Variants in TRPC7 observed in about 807,000 individuals in gnomAD.
The protein encoded by TRPC7 is transient receptor potential cation channel subfamily C member 7, also known as short transient receptor potential channel 7.
Under a neutral mutation model 90.1 loss-of-function variants are expected in TRPC7, and 42 were observed. The ratio of observed to expected loss-of-function variants is 0.47; its 90% CI spans 0.36 to 0.60. TRPC7 has a LOEUF of 0.60. Ranked by LOEUF, TRPC7 falls within the 20% of genes least tolerant of loss-of-function variation. TRPC7 has a pLI of 0.00. For missense variants in TRPC7, 955 were observed against 1,112.3 expected, an observed-to-expected ratio of 0.86 and a Z score of 2.01; for synonymous variants, 451 against 436.3, an observed-to-expected ratio of 1.03 and a Z score of -0.42.
At chr5:136,334,943 C>A (rs1366629769) in intron 2 of TRPC7, among the ~76,000 whole-genome samples, 1 of 152,108 alleles carries the variant, frequency 6.6e-6, no homozygotes, top group African/African-American at 2.4e-5. Context: ...ATATAGGTCA[C>A]TGTAGCAATT....
At chr5:136,287,098 G>A (rs373157027) in intron 3 of TRPC7, among the ~76,000 whole-genome samples, 57 of 152,192 alleles carry the variant, frequency 3.7e-4, no homozygotes, top group Non-Finnish European at 6.8e-4. Context: ...ATGAACGCTC[G>A]CCTCGCTGGA....
At chr5:136,360,999 A>T (rs1350290174) in intron 1 of TRPC7, among the ~76,000 whole-genome samples, 1 of 152,140 alleles carries the variant, frequency 6.6e-6, no homozygotes. Flanking sequence ...TACATATCAC[A>T]CGGGTTGGAA....
At chr5:136,290,190 G>GA (rs752573660) in intron 3 of TRPC7, among the ~76,000 whole-genome samples, 29 of 152,208 alleles carry the variant, frequency 1.9e-4, no homozygotes, top group Non-Finnish European at 3.8e-4. Flanking sequence ...CAAAGATGGG[G>GA]AAAAAACAGA....
intron 3 of TRPC7, among the ~76,000 whole-genome samples, chr5:136,300,917 C>T (rs1160479245): frequency 1.3e-5 from 2 of 152,228 alleles, no homozygotes; most frequent in Non-Finnish European, 2.9e-5. Flanking sequence ...AGTCCACCAT[C>T]CAAGAGCTTC....
Position 136,265,162 on chromosome 5 carries a change from C to T in TRPC7, c.1345+1058G>A, listed in dbSNP as rs201312590. ...TCTACTGTGATTTTGTTGATTTGAC[C>T]CGAATACATTTTGACTCATTGTTTG... On this transcript the variant is annotated intron_variant, in intron 5 of 11. Transcript: ENST00000513104. Among the ~76,000 whole-genome samples, 28 of 152,074 alleles carry T rather than the reference C, an allele frequency of 1.8e-4. No individual in the cohort carries two copies. In the East Asian group the frequency reaches 4.6e-3, roughly 25 times the overall value.
intron 2 of TRPC7, among the ~76,000 whole-genome samples, chr5:136,322,535 G>C (rs1458827440): frequency 2.6e-5 from 4 of 151,954 alleles, no homozygotes; most frequent in Non-Finnish European, 5.9e-5. Context: ...TTAATTTATT[G>C]CCTGTTTTTA....
chr5:136,250,783 C>G (rs1756493188), intron 6 of TRPC7, among the ~76,000 whole-genome samples: 1 of 152,136 alleles, frequency 6.6e-6, no homozygotes, highest in Non-Finnish European at 1.5e-5. Context: ...GTTAAGTAAA[C>G]AAGATCTCAC....
chr5:136,330,141 C>T (rs889771994), intron 2 of TRPC7, among the ~76,000 whole-genome samples: 1 of 152,190 alleles, frequency 6.6e-6, no homozygotes, highest in Non-Finnish European at 1.5e-5. Flanking sequence ...AGCAGTCCCA[C>T]CTGTCCCCTG....
At chr5:136,236,963 T>C (rs1756000317) in intron 7 of TRPC7, among the ~76,000 whole-genome samples, 2 of 152,156 alleles carry the variant, frequency 1.3e-5, no homozygotes, top group Non-Finnish European at 1.5e-5. Flanking sequence ...CAGCGGACAA[T>C]AGCTGGCACT....
intron 3 of TRPC7, among the ~76,000 whole-genome samples, chr5:136,287,714 A>AC (rs1757773800): frequency 1.1e-5 from 1 of 94,046 alleles, no homozygotes; most frequent in African/African-American, 4.2e-5. Context: ...AAAAAAAAAA[A>AC]AAAAAAAAAA....
intron 2 of TRPC7, among the ~76,000 whole-genome samples, chr5:136,348,167 C>T (rs911767899): frequency 5.3e-5 from 8 of 152,200 alleles, no homozygotes; most frequent in African/African-American, 1.9e-4. Flanking sequence ...TTGCTGAAAA[C>T]ATCCGATGCC....
chr5:136,307,645 G>A (rs1179833805), intron 3 of TRPC7, among the ~76,000 whole-genome samples: 1 of 152,204 alleles, frequency 6.6e-6, no homozygotes, highest in Non-Finnish European at 1.5e-5. Flanking sequence ...ATTAGAGACA[G>A]TGTCTGGAGA....
At chr5:136,224,823 C>A (rs1234222553) in intron 10 of TRPC7, among the ~76,000 whole-genome samples, 1 of 152,238 alleles carries the variant, frequency 6.6e-6, no homozygotes, top group Non-Finnish European at 1.5e-5. Flanking sequence ...CTGCCCTGGA[C>A]CTGCCACCCT....
chr5:136,362,398 T>C (rs1031167892), intron 1 of TRPC7, among the ~76,000 whole-genome samples: 3 of 152,116 alleles, frequency 2.0e-5, no homozygotes, highest in African/African-American at 2.4e-5. Context: ...AAAGCCAGCC[T>C]GTAAAGACAA....
chr5:136,315,633 G>T lies in TRPC7; in HGVS notation c.927C>A (p.Ser309Arg), dbSNP rs772720008. ...CATATTTAATGGCGAGTTTGATCCG[G>T]CTCAGACTTGGACGGTGGTGGTCGG... ...VWSDHHRPSL[S>R]RIKLAIKYEV... Residue 309 changes from serine (S) to arginine (R), a missense_variant, in exon 3 of 12, where the codon AGC (serine) becomes AGA (arginine). This residue lies in a region of TRPC7 where 484 missense variants were observed against 509.6 expected (regional missense o/e 0.95). Transcript: ENST00000513104. The T allele has an allele frequency of 1.2e-6, 2 of 1,613,888 alleles. No individual in the cohort carries two copies. Among genetic ancestry groups the T allele is most frequent in the East Asian group, 4.5e-5 (2 of 44,878 alleles).
intron 3 of TRPC7, among the ~76,000 whole-genome samples, chr5:136,299,495 A>G (rs933002022): frequency 6.6e-6 from 1 of 152,010 alleles, no homozygotes; most frequent in African/African-American, 2.4e-5. Context: ...TAAAACATAA[A>G]TTAAGCAAAA....
At position 136,251,845 on chromosome 5, in the gene TRPC7, C is replaced by T. The variant is rs1196170402; in HGVS notation, c.1383G>A (p.Glu461=). ...AGTGCAGCACGTACTCCCGTGGCCC[C>T]TCCTCCCAGATTTCCTTGCATTCGG... ...IWSECKEIWE[E]GPREYVLHLW... Residue 461 remains glutamate (E), a synonymous_variant, in exon 6 of 12, where the codon GAG becomes GAA. Coordinates refer to ENST00000513104, the MANE Select transcript of TRPC7 (RefSeq NM_020389.3). The T allele has an allele frequency of 6.2e-7, 1 of 1,613,982 alleles. No homozygotes were observed. Among genetic ancestry groups the T allele is most frequent in the Non-Finnish European group, 8.5e-7 (1 of 1,179,872 alleles).
chr5:136,319,487 A>C (rs894783581), intron 2 of TRPC7, among the ~76,000 whole-genome samples: 1 of 151,978 alleles, frequency 6.6e-6, no homozygotes, highest in Admixed American at 6.6e-5. Flanking sequence ...ATTTCTCTTG[A>C]CCCCACTTCT....
chr5:136,308,776 C>T (rs1758731621), intron 3 of TRPC7, among the ~76,000 whole-genome samples: 1 of 152,158 alleles, frequency 6.6e-6, no homozygotes, highest in African/African-American at 2.4e-5. Context: ...GGAGCAGTGT[C>T]CACTGTGTCT....
Sources: gnomAD v4.1 joint callset for allele counts (sites outside exome capture counted in the v4.1 genomes callset) on GRCh38, gnomAD v4.1.1 for gene constraint, gnomAD v4.1.1 regional missense constraint, MANE v1.5 for transcripts, NCBI Gene and HGNC (gene_info 2026-07-23, HGNC 2026-07-21) for gene names.